FBXO25: variants seen among roughly 807,000 people sequenced by gnomAD.
FBXO25 encodes the protein F-box protein 25.
A neutral mutation model predicts 51.9 loss-of-function variants in FBXO25; 45 were observed. The ratio of observed to expected loss-of-function variants is 0.87; its 90% CI spans 0.68 to 1.11. The LOEUF is 1.11. Ranked by LOEUF, FBXO25 falls within the 50% of genes most tolerant of loss-of-function variation. The probability of loss-of-function intolerance (pLI) is 0.00; values close to 1 mark genes in which losing one functional copy is unlikely to be tolerated. For synonymous variants in FBXO25, 199 were observed against 151.0 expected (o/e 1.32, Z -2.33); for missense variants, 507 against 428.5 (o/e 1.18, Z -1.62).
chr8:416,430 C>T (rs183018536), intron 2 of FBXO25, among the ~76,000 whole-genome samples: 1 of 152,336 alleles, frequency 6.6e-6, no homozygotes, highest in Admixed American at 6.5e-5. Context: ...TTGTCCAGAA[C>T]ACCTGAGATA....
At chr8:463,622 A>AGT (rs900287499) in intron 9 of FBXO25, among the ~76,000 whole-genome samples, 1 of 152,224 alleles carries the variant, frequency 6.6e-6, no homozygotes, top group African/African-American at 2.4e-5. Flanking sequence ...TTAGAAAAAA[A>AGT]GTGTCCATAG....
At chr8:448,705 A>G (rs909867135) in intron 5 of FBXO25, among the ~76,000 whole-genome samples, 2 of 152,210 alleles carry the variant, frequency 1.3e-5, no homozygotes, top group African/African-American at 4.8e-5. Context: ...GTCGGTGGTT[A>G]GAGGTTTGTT....
chr8:465,567 C>T (rs1464422879), intron 9 of FBXO25, among the ~76,000 whole-genome samples: 2 of 152,220 alleles, frequency 1.3e-5, no homozygotes, highest in East Asian at 1.9e-4. Context: ...CATTGTTAGG[C>T]AGTACAGATC....
At chr8:414,133 G>A (rs1241511693) in intron 2 of FBXO25, among the ~76,000 whole-genome samples, 1 of 152,130 alleles carries the variant, frequency 6.6e-6, no homozygotes, top group African/African-American at 2.4e-5. Flanking sequence ...AGTATTTGAA[G>A]CAGAAATTAA....
Position 432,917 on chromosome 8 carries a change from TAAAG to T in FBXO25, c.275_278del (p.Glu92AlafsTer18), listed in dbSNP as rs1351334891. On this transcript the variant is annotated frameshift_variant, in exon 4 of 10. Transcript: ENST00000350302. LOFTEE classifies it high-confidence loss of function. ...ATCGTGAAAAATGGATCTATGTCCA[TAAAG>T]AAAGCACAAAGGAAGTAAGTATTCT... 1.9e-6 allele frequency: 3 copies of T among 1,559,052 alleles called. No homozygotes were observed. The highest frequency in any genetic ancestry group is 2.4e-5 in the South Asian group (2 of 82,096).
At chr8:455,991 A>C (rs571779268) in intron 7 of FBXO25, among the ~76,000 whole-genome samples, 4 of 152,212 alleles carry the variant, frequency 2.6e-5, no homozygotes, top group Non-Finnish European at 4.4e-5. Flanking sequence ...CTATAACTCT[A>C]CTAATCCGGG....
intron 5 of FBXO25, among the ~76,000 whole-genome samples, chr8:443,418 CA>C (rs1011125015): frequency 6.6e-6 from 1 of 151,504 alleles, no homozygotes; most frequent in African/African-American, 2.4e-5. Context: ...ATGCTTTTAC[CA>C]AAATAAAATT....
chr8:407,656 G>A (rs1301404685), intron 1 of FBXO25, among the ~76,000 whole-genome samples: 8 of 151,972 alleles, frequency 5.3e-5, no homozygotes, highest in Non-Finnish European at 7.4e-5. Context: ...CTCCGGGCTC[G>A]GTCCTTGCCT....
At chr8:412,215 C>G (rs1234414433) in intron 1 of FBXO25, among the ~76,000 whole-genome samples, 8 of 152,114 alleles carry the variant, frequency 5.3e-5, no homozygotes, top group Non-Finnish European at 8.8e-5. Flanking sequence ...TATCCCTTAT[C>G]TCTCCTTTCC....
intron 2 of FBXO25, among the ~76,000 whole-genome samples, chr8:427,717 T>C (rs1468018795): frequency 1.3e-5 from 2 of 149,980 alleles, no homozygotes; most frequent in Non-Finnish European, 3.0e-5. Flanking sequence ...TTAATAATTA[T>C]TAAAACAAAT....
intron 2 of FBXO25, among the ~76,000 whole-genome samples, chr8:422,055 A>G (rs1797186797): frequency 6.6e-6 from 1 of 152,212 alleles, no homozygotes; most frequent in Admixed American, 6.5e-5. Context: ...ATAGAAAATC[A>G]CCATGATAAT....
At chr8:416,173 C>T (rs1403507930) in intron 2 of FBXO25, among the ~76,000 whole-genome samples, 2 of 152,230 alleles carry the variant, frequency 1.3e-5, no homozygotes, top group African/African-American at 2.4e-5. Flanking sequence ...CGGTAGGGCC[C>T]CCATGCGGCC....
rs1452413351 is a variant in FBXO25 at position 470,820 on chromosome 8, A to G, written c.*2016A>G. 1.3e-5 allele frequency: 2 copies of G among 152,314 alleles called. No individual in the cohort carries two copies. The highest frequency in any genetic ancestry group is 3.9e-4 in the East Asian group (2 of 5,184). The allele number at this position is 152,314 out of a possible 1,614,324, so 9.4% of individuals were successfully genotyped here. On this transcript the variant is annotated 3_prime_UTR_variant, in exon 10 of 10. Transcript: ENST00000350302. ...GATGTATGATAAATTGTGAGCTTGA[A>G]TATTTCCATATATTTATTATCCATT...
rs1056793193 is a variant in FBXO25 at position 475,563 on chromosome 8, T to C, written c.*6759T>C. 1 of 152,054 alleles carries C rather than the reference T, an allele frequency of 6.6e-6. No individual in the cohort carries two copies. Among genetic ancestry groups the C allele is most frequent in the Non-Finnish European group, 1.5e-5 (1 of 68,048 alleles). The allele number at this position is 152,054 out of a possible 1,614,324, so 9.4% of individuals were successfully genotyped here. A position where few individuals can be genotyped will look rare whatever the true frequency, so the allele number is the denominator to read the frequency against. On this transcript the variant is annotated 3_prime_UTR_variant, in exon 10 of 10. Transcript: ENST00000350302. ...CCAATCCATAAACACGGGATTGCTT[T>C]CTATTTATTTGTGTTGACCTTACTT...
chr8:429,547 T>C (rs1340463395), intron 2 of FBXO25, among the ~76,000 whole-genome samples: 1 of 152,232 alleles, frequency 6.6e-6, no homozygotes, highest in Non-Finnish European at 1.5e-5. Flanking sequence ...ATAAATTAAA[T>C]ACTCCTTTAT....
At position 477,114 on chromosome 8, in the gene FBXO25, AT is replaced by A. The variant is rs2116660042; in HGVS notation, c.*8313del. 1 of 152,088 alleles carries A rather than the reference AT, an allele frequency of 6.6e-6. No homozygotes were observed. Among genetic ancestry groups the A allele is most frequent in the South Asian group, 2.1e-4 (1 of 4,826 alleles). 9.4% of individuals were successfully genotyped at this position (152,088 alleles called of 1,614,324 possible). Reference sequence around the variant, plus strand: ...CTTTTCAGTTTTTTGTCTGTTACTGATTTCTAGTTTCATCCCACTGTGGCCA... The same window carrying A: ...CTTTTCAGTTTTTTGTCTGTTACTGATTCTAGTTTCATCCCACTGTGGCCA... On this transcript the variant is annotated 3_prime_UTR_variant, in exon 10 of 10. Transcript: ENST00000350302.
Position 474,945 on chromosome 8 carries a change from C to T in FBXO25, c.*6141C>T, listed in dbSNP as rs1157086703. On this transcript the variant is annotated 3_prime_UTR_variant, in exon 10 of 10. Coordinates refer to ENST00000350302, the MANE Select transcript of FBXO25 (RefSeq NM_183420.2). ...TACTTTGTCCCATTCCGTGGATTGC[C>T]TTTCACTCTGTTTTGTTCTTTGATG... 2.3e-6 allele frequency: 1 copy of T among 444,350 alleles called. No individual in the cohort carries two copies. Among genetic ancestry groups the T allele is most frequent in the Non-Finnish European group, 4.5e-6 (1 of 223,976 alleles). 27.5% of individuals were successfully genotyped at this position (444,350 alleles called of 1,614,324 possible). A position where few individuals can be genotyped will look rare whatever the true frequency, so the allele number is the denominator to read the frequency against.
At chr8:418,006 A>G (rs569058829) in intron 2 of FBXO25, among the ~76,000 whole-genome samples, 2 of 152,314 alleles carry the variant, frequency 1.3e-5, no homozygotes, top group South Asian at 4.1e-4. Context: ...TACTCTGCAT[A>G]GTAGTGTACA....
At chr8:443,176 G>C (rs1377855319) in intron 5 of FBXO25, among the ~76,000 whole-genome samples, 1 of 151,160 alleles carries the variant, frequency 6.6e-6, no homozygotes, top group Non-Finnish European at 1.5e-5. Flanking sequence ...CGGTGGATAG[G>C]TGGTGTCAGG....
Sources: allele counts gnomAD v4.1 joint callset (sites outside exome capture counted in the v4.1 genomes callset), GRCh38; gene constraint gnomAD v4.1.1; transcripts MANE v1.5; gene names NCBI Gene and HGNC (gene_info 2026-07-23, HGNC 2026-07-21).